The following ANO6 variants were observed in gnomAD, a reference collection of about 807,000 sequenced individuals.
ANO6 encodes anoctamin 6.
In ANO6, 106 loss-of-function variants were observed where a neutral mutation model predicts 117.5. The observed-to-expected ratio is 0.90, with a 90% confidence interval of 0.77 to 1.06. The LOEUF is 1.06. Among genes scored for constraint, ANO6 ranks in the 50% least tolerant of loss-of-function variants. ANO6 has a pLI of 0.00. For synonymous variants in ANO6, 367 were observed against 385.1 expected, an observed-to-expected ratio of 0.95 and a Z score of 0.55; for missense variants, 955 against 1,121.1, an observed-to-expected ratio of 0.85 and a Z score of 2.12.
chr12:45,369,118 G>A (rs1017653518), intron 9 of ANO6, among the ~76,000 whole-genome samples: 3 of 152,196 alleles, frequency 2.0e-5, no homozygotes, highest in African/African-American at 7.2e-5. Context: ...ATTGCAGGGT[G>A]TTGTCAACAG....
At chr12:45,238,532 CTT>C (rs894614860) in intron 1 of ANO6, among the ~76,000 whole-genome samples, 12 of 151,970 alleles carry the variant, frequency 7.9e-5, no homozygotes. Context: ...ATTTAATACT[CTT>C]TATTCCTTTC....
At position 45,350,791 on chromosome 12, in the gene ANO6, AG is replaced by A. The variant is rs1458295101; in HGVS notation, c.863+18del. ...TCTTATCAGGTGAGGGGTTGTAGGG[AG>A]TACTCCAGGGGGAGGCACTCAGGGT... On this transcript the variant is annotated intron_variant, in intron 7 of 19. Coordinates refer to ENST00000320560, the MANE Select transcript of ANO6 (RefSeq NM_001025356.3). 1.9e-6 allele frequency: 3 copies of A among 1,601,570 alleles called. No individual in the cohort carries two copies. In the East Asian group the frequency reaches 6.7e-5, roughly 36 times the overall value.
intron 15 of ANO6, among the ~76,000 whole-genome samples, chr12:45,403,951 T>TATATTA (rs1218400743): frequency 6.6e-6 from 1 of 152,056 alleles, no homozygotes; most frequent in African/African-American, 2.4e-5. Context: ...TTCCAGTCAC[T>TATATTA]ATATTAAGTG....
intron 2 of ANO6, among the ~76,000 whole-genome samples, chr12:45,324,478 G>A (rs1308769008): frequency 6.6e-6 from 1 of 152,158 alleles, no homozygotes; most frequent in African/African-American, 2.4e-5. Flanking sequence ...AGTTGCAAAC[G>A]TTGATTTCCA....
In ANO6 at chr12:45,429,085, TTTC is replaced by T. The variant is rs776122248; in HGVS notation, c.2527-12_2527-10del. On this transcript the variant is annotated splice_polypyrimidine_tract_variant and intron_variant, in intron 19 of 19. Coordinates refer to ENST00000320560, the MANE Select transcript of ANO6 (RefSeq NM_001025356.3). ...CCTCCATTTCTTTGTGAGTGACATT[TTTC>T]TTCTTCTCTTCCCCAGCACGTCATC... 3.1e-6 allele frequency: 5 copies of T among 1,611,940 alleles called. No homozygotes were observed. Among genetic ancestry groups the T allele is most frequent in the Middle Eastern group, 1.7e-4 (1 of 6,052 alleles).
At chr12:45,380,289 C>G (rs1942136473) in intron 10 of ANO6, among the ~76,000 whole-genome samples, 1 of 152,198 alleles carries the variant, frequency 6.6e-6, no homozygotes, top group Non-Finnish European at 1.5e-5. Context: ...CTTGTTGCAT[C>G]TTGCCTACTT....
At chr12:45,394,201 C>G (rs1372242028) in intron 12 of ANO6, among the ~76,000 whole-genome samples, 1 of 152,114 alleles carries the variant, frequency 6.6e-6, no homozygotes, top group East Asian at 1.9e-4. Flanking sequence ...CAATCCTAGT[C>G]TCTCATAAAG....
chr12:45,262,581 C>T lies in ANO6; in HGVS notation c.71-39433C>T, dbSNP rs1938076570. ...CTGGGATTACAGGTGTGTGCCACCA[C>T]ACCTGGCTAATTTTGTATTTTTAGT... On this transcript the variant is annotated intron_variant, in intron 1 of 19. Coordinates refer to ENST00000320560, the MANE Select transcript of ANO6 (RefSeq NM_001025356.3). Among the ~76,000 whole-genome samples, 3 of 152,126 alleles carry T rather than the reference C, an allele frequency of 2.0e-5. No homozygotes were observed. In the South Asian group the frequency reaches 6.2e-4, roughly 31 times the overall value.
chr12:45,358,923 T>A (rs1472849758), intron 8 of ANO6, among the ~76,000 whole-genome samples: 2 of 152,046 alleles, frequency 1.3e-5, no homozygotes, highest in East Asian at 3.9e-4. Context: ...TAGCTGGGAT[T>A]ACAGGCTGCG....
intron 7 of ANO6, among the ~76,000 whole-genome samples, chr12:45,353,954 A>T (rs1398336789): frequency 6.6e-6 from 1 of 152,242 alleles, no homozygotes; most frequent in African/African-American, 2.4e-5. Flanking sequence ...AGCAAAACTT[A>T]TAAAGGGATA....
At chr12:45,270,861 A>G (rs1233770289) in intron 1 of ANO6, among the ~76,000 whole-genome samples, 2 of 152,100 alleles carry the variant, frequency 1.3e-5, no homozygotes, top group Non-Finnish European at 2.9e-5. Context: ...CTGGAATTAC[A>G]GGTGCATGCC....
At chr12:45,342,604 G>C (rs73281503) in intron 3 of ANO6, among the ~76,000 whole-genome samples, 5,034 of 152,044 alleles carry the variant, frequency 0.033, 265 homozygotes, top group African/African-American at 0.11. Flanking sequence ...AATTTGGGGG[G>C]CTGCAGTTGC....
chr12:45,435,628 T>A (rs561884280), downstream of ANO6, among the ~76,000 whole-genome samples: 2 of 152,250 alleles, frequency 1.3e-5, no homozygotes, highest in East Asian at 3.9e-4. Context: ...TCTAAGTATC[T>A]TAAGAATATA....
intron 3 of ANO6, among the ~76,000 whole-genome samples, chr12:45,343,936 G>A (rs554926747): frequency 3.3e-5 from 5 of 152,188 alleles, no homozygotes; most frequent in Non-Finnish European, 7.4e-5. Context: ...ATTCAATTTG[G>A]AGCCTGGAGC....
rs1241991584 is a variant in ANO6, at chr12:45,347,020, A to G, written c.280-2A>G. ...AACATATATTCCAACTTCTTTTGAC[A>G]GAGGAAAAGACAAGCATACGAATCT... On this transcript the variant is annotated splice_acceptor_variant, in intron 3 of 19. Coordinates refer to ENST00000320560, the MANE Select transcript of ANO6 (RefSeq NM_001025356.3). LOFTEE classifies it high-confidence loss of function. 2 of 1,613,996 alleles carry G rather than the reference A, an allele frequency of 1.2e-6. No individual in the cohort carries two copies. Among genetic ancestry groups the G allele is most frequent in the Non-Finnish European group, 1.7e-6 (2 of 1,179,910 alleles).
chr12:45,258,757 C>T (rs562872471), intron 1 of ANO6, among the ~76,000 whole-genome samples: 1 of 152,292 alleles, frequency 6.6e-6, no homozygotes, highest in South Asian at 2.1e-4. Context: ...CATTAGGACA[C>T]TTGTATTAAA....
chr12:45,249,803 A>G (rs1432779782), intron 1 of ANO6, among the ~76,000 whole-genome samples: 1 of 152,256 alleles, frequency 6.6e-6, no homozygotes, highest in Admixed American at 6.5e-5. Flanking sequence ...AGCCCTGTGT[A>G]TGCCAATACC....
At chr12:45,419,392 A>G (rs1470205720) in intron 17 of ANO6, among the ~76,000 whole-genome samples, 1 of 152,232 alleles carries the variant, frequency 6.6e-6, no homozygotes, top group Non-Finnish European at 1.5e-5. Flanking sequence ...GTTAAATGAT[A>G]ATAGCAAAAT....
intron 7 of ANO6, among the ~76,000 whole-genome samples, chr12:45,356,545 AAAGTT>A (rs1406466766): frequency 5.9e-5 from 9 of 152,266 alleles, no homozygotes; most frequent in African/African-American, 2.4e-5. Flanking sequence ...TTCTTACAAT[AAAGTT>A]AAGCTAAAGA....
Sources: allele counts gnomAD v4.1 joint callset (sites outside exome capture counted in the v4.1 genomes callset), GRCh38; gene constraint gnomAD v4.1.1; transcripts MANE v1.5; gene names NCBI Gene and HGNC (gene_info 2026-07-23, HGNC 2026-07-21).